The following GRIA1 variants were observed in gnomAD, a reference collection of about 807,000 sequenced individuals.
GRIA1 encodes glutamate ionotropic receptor AMPA type subunit 1.
A neutral mutation model predicts 99.2 loss-of-function variants in GRIA1; 31 were observed. That is an observed-to-expected ratio of 0.31 (90% confidence interval 0.23 to 0.42). The LOEUF (loss-of-function observed/expected upper bound fraction) is 0.42. Among genes scored for constraint, GRIA1 ranks in the 10% least tolerant of loss-of-function variants. The pLI is 1.00. For synonymous variants in GRIA1, 438 were observed against 432.4 expected (o/e 1.01, Z -0.16); for missense variants, 782 against 1,157.5 (o/e 0.68, Z 4.71).
chr5:153,589,499 G>A (rs959321199), intron 2 of GRIA1, among the ~76,000 whole-genome samples: 1 of 152,064 alleles, frequency 6.6e-6, no homozygotes, highest in Non-Finnish European at 1.5e-5. Context: ...TTATAAAAGG[G>A]TATGTTAGAA....
chr5:153,572,791 C>A (rs114837524), intron 2 of GRIA1, among the ~76,000 whole-genome samples: 1,899 of 152,304 alleles, frequency 0.012, 49 homozygotes, highest in African/African-American at 0.043. Flanking sequence ...GAGGCTGCTT[C>A]TTCTTCAAAG....
intron 2 of GRIA1, among the ~76,000 whole-genome samples, chr5:153,503,129 CT>C (rs1441948464): frequency 3.3e-5 from 5 of 151,958 alleles, no homozygotes; most frequent in African/African-American, 1.2e-4. Flanking sequence ...GTTTATTTCC[CT>C]TTTTTTCTTA....
At chr5:153,782,287 C>G (rs758660736) in intron 13 of GRIA1, among the ~76,000 whole-genome samples, 8 of 152,134 alleles carry the variant, frequency 5.3e-5, no homozygotes, top group Non-Finnish European at 1.0e-4. Context: ...GAATTTGAAC[C>G]CAGATAGTCC....
intron 2 of GRIA1, among the ~76,000 whole-genome samples, chr5:153,556,133 T>A (rs1760618901): frequency 6.6e-6 from 1 of 152,230 alleles, no homozygotes; most frequent in Non-Finnish European, 1.5e-5. Flanking sequence ...ATGAGTAGTA[T>A]GTGGCCTGGG....
chr5:153,650,618 C>A, intron 4 of GRIA1, 104 bp downstream of exon 4: 1 of 1,077,644 alleles, frequency 9.3e-7, no homozygotes, highest in Admixed American at 2.7e-5. Flanking sequence ...AAAGAGGGTT[C>A]TTGACTAGGT....
chr5:153,720,850 A>G (rs919342816), intron 11 of GRIA1, among the ~76,000 whole-genome samples: 1 of 152,214 alleles, frequency 6.6e-6, no homozygotes, highest in African/African-American at 2.4e-5. Context: ...TAAAGAATAC[A>G]TAGAAATAAG....
At chr5:153,631,026 T>C (rs1049341993) in intron 2 of GRIA1, among the ~76,000 whole-genome samples, 9 of 152,232 alleles carry the variant, frequency 5.9e-5, no homozygotes, top group African/African-American at 1.9e-4. Context: ...ACAAAAGCTC[T>C]TCATTTAAGG....
chr5:153,620,932 A>G (rs1218217024), intron 2 of GRIA1, among the ~76,000 whole-genome samples: 1 of 152,190 alleles, frequency 6.6e-6, no homozygotes, highest in Non-Finnish European at 1.5e-5. Flanking sequence ...TCTGTTAAAT[A>G]TCACAAAACC....
At chr5:153,594,671 T>C (rs1233506765) in intron 2 of GRIA1, among the ~76,000 whole-genome samples, 1 of 152,108 alleles carries the variant, frequency 6.6e-6, no homozygotes, top group Non-Finnish European at 1.5e-5. Context: ...CTCTTATAAG[T>C]ACCACAAAGC....
intron 2 of GRIA1, among the ~76,000 whole-genome samples, chr5:153,597,264 A>G (rs1764512415): frequency 6.6e-6 from 1 of 152,166 alleles, no homozygotes; most frequent in African/African-American, 2.4e-5. Flanking sequence ...TTCAGGGACT[A>G]CCTGAATATG....
intron 2 of GRIA1, among the ~76,000 whole-genome samples, chr5:153,600,084 T>A (rs1480891553): frequency 6.6e-6 from 1 of 151,998 alleles, no homozygotes; most frequent in Non-Finnish European, 1.5e-5. Context: ...CATCTCTTCC[T>A]GTTTGTAATA....
chr5:153,781,250 T>C (rs544129337), intron 13 of GRIA1, among the ~76,000 whole-genome samples: 1 of 152,242 alleles, frequency 6.6e-6, no homozygotes, highest in South Asian at 2.1e-4. Flanking sequence ...AATTTGCATA[T>C]ATTATTCATC....
intron 11 of GRIA1, among the ~76,000 whole-genome samples, chr5:153,720,113 T>C (rs1759949823): frequency 6.6e-6 from 1 of 152,230 alleles, no homozygotes; most frequent in Non-Finnish European, 1.5e-5. Flanking sequence ...AAAATACATA[T>C]AGTTTCTTAT....
At chr5:153,502,593 G>T (rs892880370) in intron 2 of GRIA1, among the ~76,000 whole-genome samples, 6 of 152,152 alleles carry the variant, frequency 3.9e-5, no homozygotes, top group African/African-American at 1.4e-4. Context: ...CCCTGGGTTT[G>T]CCATTGATGT....
At chr5:153,583,440 C>T (rs908919525) in intron 2 of GRIA1, among the ~76,000 whole-genome samples, 4 of 152,080 alleles carry the variant, frequency 2.6e-5, no homozygotes, top group Non-Finnish European at 5.9e-5. Context: ...CTGGTGGTTG[C>T]CATCAATCCT....
intron 11 of GRIA1, among the ~76,000 whole-genome samples, chr5:153,747,541 G>A (rs1291336692): frequency 1.3e-5 from 2 of 152,192 alleles, no homozygotes; most frequent in African/African-American, 4.8e-5. Flanking sequence ...GTCTTCCATA[G>A]CATCCAGCTC....
intron 2 of GRIA1, among the ~76,000 whole-genome samples, chr5:153,645,731 C>A (rs1459697179): frequency 2.0e-5 from 3 of 151,992 alleles, no homozygotes; most frequent in African/African-American, 7.3e-5. Flanking sequence ...TACACAGTGG[C>A]AATGTGGGGT....
At chr5:153,570,757 A>G (rs919383854) in intron 2 of GRIA1, among the ~76,000 whole-genome samples, 1 of 152,196 alleles carries the variant, frequency 6.6e-6, no homozygotes, top group East Asian at 1.9e-4. Flanking sequence ...TGATGACTAA[A>G]TGAGAGGATA....
chr5:153,650,896 T>TAAAAA (rs71575151), intron 4 of GRIA1, among the ~76,000 whole-genome samples: 7 of 70,146 alleles, frequency 1.0e-4, no homozygotes, highest in African/African-American at 2.4e-4. Flanking sequence ...CTGTCTCCAC[T>TAAAAA]AAAAAAAAAA....
Sources: allele counts gnomAD v4.1 joint callset (sites outside exome capture counted in the v4.1 genomes callset), GRCh38; gene constraint gnomAD v4.1.1; transcripts MANE v1.5; gene names NCBI Gene and HGNC (gene_info 2026-07-23, HGNC 2026-07-21).